The following GPAM variants were observed in gnomAD, a reference collection of about 807,000 sequenced individuals.
GPAM encodes glycerol-3-phosphate acyltransferase, mitochondrial.
In GPAM, 56 loss-of-function variants were observed where a neutral mutation model predicts 105.0. That is an observed-to-expected ratio of 0.53 (90% CI 0.43 to 0.67). The LOEUF is 0.67. Among genes scored for constraint, GPAM ranks in the 30% least tolerant of loss-of-function variants. The pLI, the probability that GPAM is intolerant of heterozygous loss-of-function variation, is 0.00. For missense variants in GPAM, 855 were observed against 989.8 expected (o/e 0.86, Z 1.83); for synonymous variants, 368 against 354.4 (o/e 1.04, Z -0.43).
upstream of GPAM, among the ~76,000 whole-genome samples, chr10:112,184,299 A>C (rs114667356): frequency 6.6e-6 from 1 of 152,214 alleles, no homozygotes; most frequent in Non-Finnish European, 1.5e-5. Flanking sequence ...CCTTCGGACT[A>C]TATGTTACAC....
intron 1 of GPAM, among the ~76,000 whole-genome samples, chr10:112,204,751 T>C (rs1847840458): frequency 6.6e-6 from 1 of 151,090 alleles, no homozygotes; most frequent in Non-Finnish European, 1.5e-5. Flanking sequence ...CTTTGAAAAC[T>C]GGCACAAGAC....
chr10:112,194,672 C>T (rs955310899), intron 1 of GPAM, among the ~76,000 whole-genome samples: 1 of 152,190 alleles, frequency 6.6e-6, no homozygotes, highest in Non-Finnish European at 1.5e-5. Context: ...GTTGTATAAC[C>T]TGACGGCAGA....
In GPAM at chr10:112,173,842, T is replaced by C. The variant is rs1038099570; in HGVS notation, c.417A>G (p.Val139=). The change falls in exon 7 of 22, where the codon GTA becomes GTG. Residue 139 remains valine (V), a synonymous_variant. Transcript: ENST00000348367. ...CAGCCACTTCTGCAATTGCCTCTTG[T>C]ACTCTGGTATGAAAATGGAAAAAGA... ...VTENVLNSSR[V]QEAIAEVAAE... The C allele has an allele frequency of 5.0e-6, 8 of 1,609,390 alleles. No homozygotes were observed. The highest frequency in any genetic ancestry group is 2.2e-5 in the East Asian group (1 of 44,856).
Position 112,163,794 on chromosome 10 carries a change from C to T in GPAM, c.1330G>A (p.Gly444Ser). The T allele has an allele frequency of 1.3e-6, 2 of 1,590,998 alleles. No individual in the cohort carries two copies. The highest frequency in any genetic ancestry group is 1.7e-6 in the Non-Finnish European group (2 of 1,158,856). ...PSRPSDAADE[G>S]RDTSINESRN... is the part of the protein sequence containing the mutation. ...GACTCATTAATGGACGTGTCTCTACCTTCATCAGCAGCATCACTGGGTCTA... is the reference window on the plus strand; with the variant it reads ...GACTCATTAATGGACGTGTCTCTACTTTCATCAGCAGCATCACTGGGTCTA... Residue 444 changes from glycine (G) to serine (S), a missense_variant, in exon 14 of 22, where the codon GGT (glycine) becomes AGT (serine). Physicochemically the swap from Gly to Ser is moderately conservative, Grantham distance 56 (BLOSUM62 0). Transcript: ENST00000348367.
intron 20 of GPAM, chr10:112,154,987 A>C: frequency 2.2e-6 from 1 of 461,388 alleles, no homozygotes; most frequent in Non-Finnish European, 4.0e-6. Flanking sequence ...TACCTAAAAC[A>C]TCCATTTTCC....
intron 21 of GPAM, chr10:112,154,246 C>G (rs1024892504): frequency 3.9e-6 from 1 of 254,544 alleles, no homozygotes; most frequent in Non-Finnish European, 7.5e-6. Flanking sequence ...TAGAGACGCT[C>G]AACCTGTAAG....
At chr10:112,219,241 A>T, upstream of GPAM, among the ~76,000 whole-genome samples, 1 of 152,184 alleles carries the variant, frequency 6.6e-6, no homozygotes, top group East Asian at 1.9e-4. Context: ...GGACCTTCCC[A>T]AAAGGGGGTA....
rs368325350 is a variant in GPAM at position 112,159,827 on chromosome 10, T to C, written c.1902+84A>G. On this transcript the variant is annotated intron_variant, in intron 17 of 21. Coordinates refer to ENST00000348367, the MANE Select transcript of GPAM (RefSeq NM_001244949.2). ...AGTATCAACAATGGGTCAAACATTA[T>C]CTAACAGAAAAACACGGGGGGTTAC... The C allele has an allele frequency of 7.5e-6, 10 of 1,324,758 alleles. No individual in the cohort carries two copies. In the African/African-American group the frequency reaches 1.0e-4, roughly 13 times the overall value. 82.1% of individuals were successfully genotyped at this position (1,324,758 alleles called of 1,614,324 possible). A position where few individuals can be genotyped will look rare whatever the true frequency, so the allele number is the denominator to read the frequency against.
At chr10:112,153,702 A>C (rs1846961601) in intron 21 of GPAM, 36 bp from the exon 22 acceptor site, 1 of 1,599,686 alleles carries the variant, frequency 6.3e-7, no homozygotes, top group Admixed American at 1.7e-5. Context: ...AAAGGCAAAA[A>C]ATAAAAAATA....
chr10:112,183,416 C>T (rs1485739631), intron 1 of GPAM, among the ~76,000 whole-genome samples: 3 of 152,246 alleles, frequency 2.0e-5, no homozygotes, highest in Admixed American at 2.0e-4. Context: ...CGCCTCCGCG[C>T]GTGCAGATAC....
upstream of GPAM, among the ~76,000 whole-genome samples, chr10:112,220,176 T>C (rs1848005699): frequency 6.6e-6 from 1 of 151,972 alleles, no homozygotes; most frequent in South Asian, 2.1e-4. Flanking sequence ...GAGGACCATT[T>C]TCCACACCCC....
chr10:112,212,025 C>T (rs1262572015), intron 1 of GPAM, among the ~76,000 whole-genome samples: 2 of 152,160 alleles, frequency 1.3e-5, no homozygotes, highest in Non-Finnish European at 2.9e-5. Flanking sequence ...AGACTAAGGG[C>T]GGCCCAAAGC....
intron 19 of GPAM, 80 bp downstream of exon 19, chr10:112,157,169 C>A: frequency 8.2e-7 from 1 of 1,221,394 alleles, no homozygotes; most frequent in African/African-American, 1.5e-5. Flanking sequence ...GAAGACATCA[C>A]CAGGACTCCA....
the GPAM span, among the ~76,000 whole-genome samples, chr10:112,222,266 A>C: frequency 1.3e-5 from 2 of 152,238 alleles, no homozygotes; most frequent in Non-Finnish European, 1.5e-5. Context: ...ATAGAGCTTT[A>C]CAAATATATG....
rs533006985 is a variant in GPAM, at chr10:112,165,498, T to C, written c.1222-888A>G. On this transcript the variant is annotated intron_variant, in intron 12 of 21. Coordinates refer to ENST00000348367, the MANE Select transcript of GPAM (RefSeq NM_001244949.2). ...TGAGGTCAGAAGTTTGAGGCCAGCC[T>C]GGCCAACATGGTGAAACCCCGTCTC... 1.3e-3 allele frequency among the ~76,000 whole-genome samples: 198 copies of C among 152,314 alleles called. 1 individual carries two copies. The highest frequency in any genetic ancestry group is 1.4e-3 in the Non-Finnish European group (94 of 68,030).
At chr10:112,199,592 G>A (rs779872830) in intron 1 of GPAM, among the ~76,000 whole-genome samples, 9 of 152,252 alleles carry the variant, frequency 5.9e-5, no homozygotes, top group South Asian at 4.2e-4. Context: ...TAATTAGCTC[G>A]ATTTAATCAT....
At chr10:112,163,567 AATAAC>A (rs1275120714) in intron 14 of GPAM, 129 bp downstream of exon 14, 4 of 675,800 alleles carry the variant, frequency 5.9e-6, no homozygotes, top group Non-Finnish European at 1.1e-5. Context: ...CCTTCTTTCT[AATAAC>A]TTACCTATCA....
chr10:112,166,214 C>T (rs1847213608), intron 12 of GPAM, among the ~76,000 whole-genome samples, 188 bp downstream of exon 12: 1 of 152,114 alleles, frequency 6.6e-6, no homozygotes, highest in African/African-American at 2.4e-5. Flanking sequence ...CAGATACTCA[C>T]TCTCCTTTGT....
intron 2 of GPAM, among the ~76,000 whole-genome samples, 162 bp downstream of exon 2, chr10:112,182,631 GA>G (rs1847528680): frequency 6.6e-6 from 1 of 152,168 alleles, no homozygotes; most frequent in African/African-American, 2.4e-5. Flanking sequence ...GTCATGTCTA[GA>G]TTAACAGTGT....
Sources: allele counts gnomAD v4.1 joint callset (sites outside exome capture counted in the v4.1 genomes callset), GRCh38; gene constraint gnomAD v4.1.1; transcripts MANE v1.5; gene names NCBI Gene and HGNC (gene_info 2026-07-23, HGNC 2026-07-21).